CHD1L: variants seen among roughly 807,000 people sequenced by gnomAD.
CHD1L encodes the protein chromodomain helicase DNA binding protein 1 like.
A neutral mutation model predicts 115.9 loss-of-function variants in CHD1L; 118 were observed. That is an observed-to-expected ratio of 1.02 (90% CI 0.88 to 1.19). The LOEUF (loss-of-function observed/expected upper bound fraction) is 1.19, where lower values mean the gene tolerates loss of function less well. Among genes scored for constraint, CHD1L ranks in the 50% most tolerant of loss-of-function variants. The pLI is 0.00. For missense variants in CHD1L, 1,179 were observed against 1,065.3 expected (o/e 1.11, Z -1.49); for synonymous variants, 411 against 387.1 (o/e 1.06, Z -0.72).
At chr1:147,247,914 G>A (rs1419194528) in intron 1 of CHD1L, among the ~76,000 whole-genome samples, 3 of 152,088 alleles carry the variant, frequency 2.0e-5, no homozygotes, top group East Asian at 1.9e-4. Context: ...AAGTTTCTCC[G>A]AATGATGCAT....
At chr1:147,271,914 T>C (rs1676395772) in intron 11 of CHD1L, among the ~76,000 whole-genome samples, 1 of 152,214 alleles carries the variant, frequency 6.6e-6, no homozygotes, top group African/African-American at 2.4e-5. Context: ...CAAAACTGAG[T>C]ATTAACTTCA....
At chr1:147,213,280 G>A in the CHD1L span, 1 of 1,583,386 alleles carries the variant, frequency 6.3e-7, no homozygotes, top group African/African-American at 1.3e-5. Flanking sequence ...CATGGGTCAA[G>A]GGTCTTCCTT....
chr1:147,255,717 A>G (rs1295898078), intron 3 of CHD1L, 96 bp from the exon 4 acceptor site: 4 of 814,940 alleles, frequency 4.9e-6, no homozygotes, highest in South Asian at 3.5e-5. Context: ...AGTTCTGTAC[A>G]TTGCAATCCT....
the CHD1L span, chr1:147,215,114 TAGAGC>T: frequency 1.3e-5 from 2 of 152,192 alleles, no homozygotes. Flanking sequence ...TAGAATACTT[TAGAGC>T]AGGAAGGAAC....
the CHD1L span, among the ~76,000 whole-genome samples, chr1:147,226,723 T>C: frequency 6.6e-6 from 1 of 152,236 alleles, no homozygotes; most frequent in Admixed American, 6.5e-5. Context: ...CCTGCTAATC[T>C]TGGACTTTTT....
the CHD1L span, among the ~76,000 whole-genome samples, chr1:147,220,224 G>A: frequency 2.0e-5 from 3 of 152,254 alleles, no homozygotes; most frequent in East Asian, 3.9e-4. Context: ...AATTACATAC[G>A]TAGGTATAAA....
the CHD1L span, chr1:147,178,781 C>T: frequency 6.2e-7 from 1 of 1,603,986 alleles, no homozygotes; most frequent in Non-Finnish European, 8.5e-7. Context: ...GTGGCATATA[C>T]AGTGCAAAAA....
the CHD1L span, among the ~76,000 whole-genome samples, chr1:147,195,415 G>C: frequency 3.3e-5 from 5 of 151,748 alleles, 1 homozygote; most frequent in South Asian, 1.0e-3. Flanking sequence ...TTACAGGCAT[G>C]AGCCACCATG....
chr1:147,204,394 GC>G, the CHD1L span: 1 of 1,098,742 alleles, frequency 9.1e-7, no homozygotes, highest in Non-Finnish European at 1.4e-6. Context: ...AATAAGCTTG[GC>G]CAGAAATACT....
At chr1:147,207,532 C>T in the CHD1L span, among the ~76,000 whole-genome samples, 1 of 152,174 alleles carries the variant, frequency 6.6e-6, no homozygotes, top group Non-Finnish European at 1.5e-5. Context: ...TCTTTCTTCT[C>T]ATTAGAGTAT....
chr1:147,205,001 C>T, the CHD1L span: 5 of 849,676 alleles, frequency 5.9e-6, no homozygotes, highest in Non-Finnish European at 9.9e-6. Flanking sequence ...GTTTTCATGC[C>T]TGATGAACCT....
At chr1:147,289,180 T>C (rs1405115234) in intron 19 of CHD1L, among the ~76,000 whole-genome samples, 7 of 151,892 alleles carry the variant, frequency 4.6e-5, no homozygotes, top group African/African-American at 1.7e-4. Flanking sequence ...CCAGGGAAGG[T>C]CAGAGCTGGA....
At chr1:147,248,790 A>G (rs1667446390) in intron 1 of CHD1L, among the ~76,000 whole-genome samples, 1 of 152,106 alleles carries the variant, frequency 6.6e-6, no homozygotes, top group Admixed American at 6.5e-5. Context: ...TGATATTGTC[A>G]TTTTACTTAT....
In CHD1L at chr1:147,242,771, A is replaced by C; in HGVS notation, c.68A>C (p.Glu23Ala). The change falls in exon 1 of 23, where the codon GAG becomes GCG. Residue 23 changes from glutamate (E) to alanine (A), a missense_variant. Glu to Ala is a moderately radical substitution (Grantham distance 107, BLOSUM62 -1). Transcript: ENST00000369258. ...GGCTTCTTACTGCGGCTTCATACTG[A>C]GGGCCGAGCCGAGGCGGCGCGGGTG... ...APGFLLRLHT[E>A]GRAEAARVQE... 2 of 1,269,626 alleles carry C rather than the reference A, an allele frequency of 1.6e-6. No individual in the cohort carries two copies. The highest frequency in any genetic ancestry group is 2.0e-6 in the Non-Finnish European group (2 of 1,000,530). The allele number at this position is 1,269,626 out of a possible 1,614,324, so 78.6% of individuals were successfully genotyped here. A position where few individuals can be genotyped will look rare whatever the true frequency, so the allele number is the denominator to read the frequency against.
intron 1 of CHD1L, among the ~76,000 whole-genome samples, chr1:147,249,509 A>C (rs1201530608): frequency 3.4e-5 from 5 of 147,892 alleles, no homozygotes; most frequent in African/African-American, 5.0e-5. Context: ...GGGTTCAAGC[A>C]ATTTTCGTGC....
chr1:147,287,549 A>G, intron 18 of CHD1L, 86 bp from the exon 19 acceptor site: 1 of 866,036 alleles, frequency 1.2e-6, no homozygotes, highest in Non-Finnish European at 1.8e-6. Context: ...ATTCTTCCAC[A>G]AGTCCCTTTT....
At chr1:147,213,233 C>T in the CHD1L span, 1 of 1,247,718 alleles carries the variant, frequency 8.0e-7, no homozygotes, top group South Asian at 1.8e-5. Context: ...ATTACTCAGA[C>T]CACAATCCTC....
At chr1:147,188,608 A>C in the CHD1L span, among the ~76,000 whole-genome samples, 1 of 151,484 alleles carries the variant, frequency 6.6e-6, no homozygotes, top group Non-Finnish European at 1.5e-5. Context: ...GATTATGCAG[A>C]TTAAATAAAC....
chr1:147,208,593 C>T, the CHD1L span: 22 of 335,638 alleles, frequency 6.6e-5, no homozygotes, highest in African/African-American at 3.4e-4. Flanking sequence ...ACAGGTGCCA[C>T]CACACCTGGC....
Sources: gnomAD v4.1 joint callset for allele counts (sites outside exome capture counted in the v4.1 genomes callset) on GRCh38, gnomAD v4.1.1 for gene constraint, MANE v1.5 for transcripts, NCBI Gene and HGNC (gene_info 2026-07-23, HGNC 2026-07-21) for gene names.